Variants in NRXN1 observed in about 807,000 individuals in gnomAD.
NRXN1 encodes the protein neurexin 1.
In NRXN1, 39 loss-of-function variants were observed where a neutral mutation model predicts 150.9. The ratio of observed to expected loss-of-function variants is 0.26; its 90% CI spans 0.20 to 0.34. The LOEUF (loss-of-function observed/expected upper bound fraction) is 0.34. Among genes scored for constraint, NRXN1 ranks in the 10% least tolerant of loss-of-function variants. NRXN1 has a pLI of 1.00. For missense variants in NRXN1, 1,815 were observed against 1,949.9 expected, an observed-to-expected ratio of 0.93 and a Z score of 1.30; for synonymous variants, 924 against 757.0, an observed-to-expected ratio of 1.22 and a Z score of -3.62.
At chr2:50,505,975 T>A (rs2092201009) in intron 13 of NRXN1, among the ~76,000 whole-genome samples, 1 of 152,054 alleles carries the variant, frequency 6.6e-6, no homozygotes, top group South Asian at 2.1e-4. Context: ...AAAATGGGGG[T>A]TGAACTTGAC....
chr2:50,072,996 C>T (rs1696530718), intron 19 of NRXN1, among the ~76,000 whole-genome samples: 2 of 152,130 alleles, frequency 1.3e-5, no homozygotes, highest in Admixed American at 1.3e-4. Flanking sequence ...TAAAAAAATG[C>T]TTATGAAAAG....
chr2:50,262,678 AG>A (rs2068413088), intron 17 of NRXN1, among the ~76,000 whole-genome samples: 1 of 152,004 alleles, frequency 6.6e-6, no homozygotes, highest in Non-Finnish European at 1.5e-5. Flanking sequence ...ACCCTATTCT[AG>A]CAGTCAATTT....
At chr2:50,739,236 T>C (rs746465915) in intron 5 of NRXN1, 2 of 503,756 alleles carry the variant, frequency 4.0e-6, no homozygotes, top group South Asian at 1.5e-5. Flanking sequence ...ACTGGGTTCA[T>C]TGAGGATATT....
intron 2 of NRXN1, among the ~76,000 whole-genome samples, chr2:51,006,361 C>A (rs12987059): frequency 0.18 from 25,592 of 139,614 alleles, 3,345 homozygotes; most frequent in African/African-American, 0.39. Context: ...CACATGGACA[C>A]AGGAAGGGGA....
At chr2:50,159,414 T>A (rs2059229371) in intron 18 of NRXN1, among the ~76,000 whole-genome samples, 1 of 152,152 alleles carries the variant, frequency 6.6e-6, no homozygotes, top group Non-Finnish European at 1.5e-5. Context: ...TTGGAAGAAC[T>A]GCAAGTATTT....
intron 18 of NRXN1, among the ~76,000 whole-genome samples, chr2:50,206,907 T>TACAC (rs1559090870): frequency 6.8e-6 from 1 of 147,146 alleles, no homozygotes; most frequent in African/African-American, 2.5e-5. Flanking sequence ...CACACACACA[T>TACAC]ACATATACAC....
intron 5 of NRXN1, among the ~76,000 whole-genome samples, chr2:50,631,820 G>A (rs1682373327): frequency 6.6e-6 from 1 of 151,882 alleles, no homozygotes. Flanking sequence ...GAATTCATTA[G>A]GTGTGCAACA....
At chr2:50,888,414 GC>G (rs1470139562) in intron 5 of NRXN1, among the ~76,000 whole-genome samples, 1 of 151,504 alleles carries the variant, frequency 6.6e-6, no homozygotes, top group Non-Finnish European at 1.5e-5. Context: ...AGAAAGAACA[GC>G]TCAGGGCTAA....
At chr2:50,231,758 C>T (rs1354345835) in intron 18 of NRXN1, among the ~76,000 whole-genome samples, 2 of 152,064 alleles carry the variant, frequency 1.3e-5, no homozygotes, top group Admixed American at 6.6e-5. Flanking sequence ...TGACTTTCTT[C>T]TGTCAGAGAG....
intron 5 of NRXN1, among the ~76,000 whole-genome samples, chr2:50,626,571 G>C (rs912586635): frequency 6.6e-5 from 10 of 151,880 alleles, no homozygotes; most frequent in African/African-American, 2.4e-4. Flanking sequence ...TTATTCATAA[G>C]AAAAAAGTGA....
In NRXN1 at chr2:50,976,105, G is replaced by C. The variant is rs1433793055; in HGVS notation, c.773-50150C>G. Among the ~76,000 whole-genome samples, 4 of 151,776 alleles carry C rather than the reference G, an allele frequency of 2.6e-5. No individual in the cohort carries two copies. In the East Asian group the frequency reaches 7.7e-4, roughly 29 times the overall value. ...GTGCCCTGTAGACTCCCTATTTTCT[G>C]ATGAGGACTTGTACTGTTTTCAAAT... is the stretch of plus-strand genomic sequence containing the variant. On this transcript the variant is annotated intron_variant, in intron 2 of 22. Transcript: ENST00000401669.
intron 5 of NRXN1, among the ~76,000 whole-genome samples, chr2:50,849,540 T>C (rs1444706999): frequency 6.6e-6 from 1 of 152,102 alleles, no homozygotes; most frequent in Non-Finnish European, 1.5e-5. Context: ...CCCAATTAAG[T>C]TTTCTAATAC....
At chr2:50,619,509 T>G (rs1282087575) in intron 8 of NRXN1, 2 of 159,940 alleles carry the variant, frequency 1.3e-5, no homozygotes, top group African/African-American at 4.8e-5. Context: ...AGATAACATT[T>G]ACTTCCTCCA....
At chr2:50,795,985 T>A (rs904474859) in intron 5 of NRXN1, among the ~76,000 whole-genome samples, 5 of 151,998 alleles carry the variant, frequency 3.3e-5, no homozygotes, top group African/African-American at 1.2e-4. Flanking sequence ...TCACAAGAAA[T>A]CTAATTAGTG....
intron 8 of NRXN1, among the ~76,000 whole-genome samples, chr2:50,578,533 A>T (rs1426312522): frequency 2.0e-5 from 3 of 152,134 alleles, no homozygotes; most frequent in Non-Finnish European, 4.4e-5. Flanking sequence ...CAATATCACA[A>T]CCAGGGTATT....
At chr2:50,889,590 A>T (rs1433558937) in intron 5 of NRXN1, among the ~76,000 whole-genome samples, 1 of 151,740 alleles carries the variant, frequency 6.6e-6, no homozygotes, top group Non-Finnish European at 1.5e-5. Flanking sequence ...TTCAGAAAAA[A>T]CATATTTTTA....
chr2:50,983,017 TTA>T (rs893045291), intron 2 of NRXN1, among the ~76,000 whole-genome samples: 1 of 151,852 alleles, frequency 6.6e-6, no homozygotes. Context: ...TCAAGGAGTT[TTA>T]TATATATATA....
intron 5 of NRXN1, among the ~76,000 whole-genome samples, chr2:50,753,365 T>C (rs1574354068): frequency 6.6e-6 from 1 of 151,994 alleles, no homozygotes; most frequent in African/African-American, 2.4e-5. Flanking sequence ...GTTGAGCATG[T>C]TGAACTAGGA....
At chr2:50,521,395 G>A (rs2092785421) in intron 12 of NRXN1, among the ~76,000 whole-genome samples, 1 of 152,106 alleles carries the variant, frequency 6.6e-6, no homozygotes, top group South Asian at 2.1e-4. Flanking sequence ...TGAACTCAAA[G>A]AACAAGTAAT....
Sources: allele counts gnomAD v4.1 joint callset (sites outside exome capture counted in the v4.1 genomes callset), GRCh38; gene constraint gnomAD v4.1.1; transcripts MANE v1.5; gene names NCBI Gene and HGNC (gene_info 2026-07-23, HGNC 2026-07-21).